Variants in PSG8 observed in about 807,000 individuals in gnomAD.
PSG8 encodes the protein pregnancy-specific beta-1-glycoprotein 8.
Under a neutral mutation model 42.5 loss-of-function variants are expected in PSG8, and 57 were observed. That is an observed-to-expected ratio of 1.34 (90% CI 1.08 to 1.67). The LOEUF is 1.67. PSG8 is among the 40% of genes most tolerant of loss of function. The pLI is 0.00. For missense variants in PSG8, 783 were observed against 518.6 expected, an observed-to-expected ratio of 1.51 and a Z score of -4.95; for synonymous variants, 280 against 196.8, an observed-to-expected ratio of 1.42 and a Z score of -3.54.
rs1484036672 is a variant in PSG8 at position 42,757,994 on chromosome 19, A to T, written c.709+8T>A. The T allele has an allele frequency of 6.2e-7, 1 of 1,613,980 alleles. No homozygotes were observed. Among genetic ancestry groups the T allele is most frequent in the South Asian group, 1.1e-5 (1 of 91,054 alleles). On this transcript the variant is annotated splice_region_variant and intron_variant, in intron 3 of 4. Transcript: ENST00000306511. ...AGCCTGGCTCACAGAGGAACAGAAA[A>T]TACTCACGGAGGAGATTCAGGGTGA...
At chr19:42,760,582 A>T (rs1181815062) in intron 2 of PSG8, among the ~76,000 whole-genome samples, 1 of 151,646 alleles carries the variant, frequency 6.6e-6, no homozygotes, top group Non-Finnish European at 1.5e-5. Flanking sequence ...TCATTTCTCT[A>T]ACAGCATTTT....
At chr19:42,765,388 A>G (rs549124098) in intron 1 of PSG8, 130 bp downstream of exon 1, 7 of 1,423,432 alleles carry the variant, frequency 4.9e-6, no homozygotes, top group Admixed American at 1.9e-5. Flanking sequence ...TCCTGATCTC[A>G]TGATCCACCT....
At chr19:42,758,789 C>T (rs1445792402) in intron 2 of PSG8, 6 of 168,360 alleles carry the variant, frequency 3.6e-5, no homozygotes, top group Admixed American at 3.3e-4. Flanking sequence ...GGTACTTCAG[C>T]AGAAATAACA....
intron 2 of PSG8, among the ~76,000 whole-genome samples, chr19:42,761,956 G>C (rs34632762): frequency 6.9e-6 from 1 of 145,814 alleles, no homozygotes; most frequent in Non-Finnish European, 1.5e-5. Flanking sequence ...CAAAGGGAAA[G>C]AGCCCTGGAT....
At chr19:42,756,410 C>A (rs1215922509) in intron 3 of PSG8, among the ~76,000 whole-genome samples, 2 of 152,134 alleles carry the variant, frequency 1.3e-5, no homozygotes, top group African/African-American at 4.8e-5. Context: ...CTATAGTTCA[C>A]ACAAATTGAG....
At chr19:42,764,979 T>A (rs1970178993) in intron 1 of PSG8, among the ~76,000 whole-genome samples, 1 of 152,056 alleles carries the variant, frequency 6.6e-6, no homozygotes, top group African/African-American at 2.4e-5. Context: ...GTTATTATTA[T>A]CATATTTCAA....
downstream of PSG8, chr19:42,753,356 G>A (rs542861264): frequency 1.3e-6 from 1 of 780,446 alleles, no homozygotes; most frequent in East Asian, 2.4e-5. Context: ...GGAACTAGTA[G>A]AATTCAGGGT....
intron 3 of PSG8, among the ~76,000 whole-genome samples, chr19:42,757,726 C>G (rs966058501): frequency 6.6e-6 from 1 of 152,204 alleles, no homozygotes; most frequent in Admixed American, 6.5e-5. Context: ...CAAATCCCAG[C>G]TGTGTTCACT....
At chr19:42,763,741 C>A in intron 2 of PSG8, 175 bp downstream of exon 2, 3 of 1,285,000 alleles carry the variant, frequency 2.3e-6, no homozygotes, top group Non-Finnish European at 2.2e-6. Context: ...GAAAGGAATT[C>A]TGATCTGTTG....
intron 2 of PSG8, among the ~76,000 whole-genome samples, chr19:42,759,767 G>A (rs1970027575): frequency 6.6e-6 from 1 of 152,096 alleles, no homozygotes; most frequent in Admixed American, 6.5e-5. Flanking sequence ...TTTCATGAGT[G>A]GAAATTTTTA....
intron 2 of PSG8, among the ~76,000 whole-genome samples, chr19:42,763,138 TATTA>T (rs1322572077): frequency 6.6e-6 from 1 of 152,206 alleles, no homozygotes; most frequent in African/African-American, 2.4e-5. Context: ...TAGCATTTAT[TATTA>T]ATTTGCTTCC....
rs140787148 is a variant in PSG8 at position 42,754,343 on chromosome 19, T to C, written c.1233A>G (p.Val411=). Reference sequence around the variant, plus strand: ...CTGGGATCCGCTTACCAGAGACTTTTACTGTCATGGATTTGGAGCTTTCCT... The same window carrying C: ...CTGGGATCCGCTTACCAGAGACTTTCACTGTCATGGATTTGGAGCTTTCCT... ...TGKESSKSMT[V]KVSGKRIPVS... Residue 411 remains valine, a synonymous_variant, in exon 5 of 5, where the codon GTA becomes GTG. Coordinates refer to ENST00000306511, the MANE Select transcript of PSG8 (RefSeq NM_182707.3). The C allele has an allele frequency of 1.2e-6, 2 of 1,613,864 alleles. No homozygotes were observed. The highest frequency in any genetic ancestry group is 1.7e-6 in the Non-Finnish European group (2 of 1,179,788).
chr19:42,763,213 T>C (rs1281409884), intron 2 of PSG8, among the ~76,000 whole-genome samples: 2 of 151,126 alleles, frequency 1.3e-5, no homozygotes, highest in Non-Finnish European at 3.0e-5. Context: ...ACATCTTCTC[T>C]CTTGTGTTTC....
intron 3 of PSG8, among the ~76,000 whole-genome samples, chr19:42,757,590 A>C (rs959464112): frequency 1.3e-5 from 2 of 152,148 alleles, no homozygotes; most frequent in Non-Finnish European, 2.9e-5. Flanking sequence ...GGGGGCATCC[A>C]GGCCATGTGG....
chr19:42,754,773 C>G (rs1305444114), intron 4 of PSG8, 186 bp from the exon 5 acceptor site: 1 of 1,398,524 alleles, frequency 7.2e-7, no homozygotes, highest in Non-Finnish European at 9.5e-7. Flanking sequence ...AGCTGTGGGC[C>G]CCAAGTCTCC....
chr19:42,760,836 G>C (rs530210002), intron 2 of PSG8, among the ~76,000 whole-genome samples: 4 of 152,110 alleles, frequency 2.6e-5, no homozygotes, highest in Admixed American at 6.5e-5. Flanking sequence ...CTCGGCCTCC[G>C]AAAGTGCTGG....
Position 42,758,020 on chromosome 19 carries a change from A to C in PSG8, c.691T>G (p.Phe231Val), listed in dbSNP as rs143748376. The C allele has an allele frequency of 3.2e-4, 514 of 1,613,848 alleles. 1 individual carries two copies. The highest frequency in any genetic ancestry group is 2.6e-3 in the East Asian group (116 of 44,884). ...TACTCACGGAGGAGATTCAGGGTGA[A>C]TGGGTCACTGCGGCTGGCACTCACT... ...NPVSASRSDP[F>V]TLNLLPKLPK... is the part of the protein sequence containing the mutation. The change falls in exon 3 of 5, where the codon TTC becomes GTC. Residue 231 changes from phenylalanine to valine, a missense_variant. Phe to Val is a conservative substitution (Grantham distance 50, BLOSUM62 -1). Coordinates refer to ENST00000306511, the MANE Select transcript of PSG8 (RefSeq NM_182707.3).
chr19:42,759,379 AG>A (rs1970016745), intron 2 of PSG8, among the ~76,000 whole-genome samples: 1 of 152,114 alleles, frequency 6.6e-6, no homozygotes, highest in Admixed American at 6.5e-5. Context: ...CAGGATGAGG[AG>A]GTTCTAGAGA....
At chr19:42,758,745 C>T (rs1392763830) in intron 2 of PSG8, 2 of 181,148 alleles carry the variant, frequency 1.1e-5, no homozygotes, top group Admixed American at 1.1e-4. Flanking sequence ...TGTCTTTAAA[C>T]CCTTTGGGTA....
Sources: allele counts gnomAD v4.1 joint callset (sites outside exome capture counted in the v4.1 genomes callset), GRCh38; gene constraint gnomAD v4.1.1; transcripts MANE v1.5; gene names NCBI Gene and HGNC (gene_info 2026-07-23, HGNC 2026-07-21).